The following AKT2 variants were observed in gnomAD, a reference collection of about 807,000 sequenced individuals.
AKT2 encodes the protein RAC-beta serine/threonine-protein kinase.
AKT2 carries 16 observed loss-of-function variants against 58.6 expected under a neutral mutation model. The ratio of observed to expected loss-of-function variants is 0.27; its 90% confidence interval spans 0.18 to 0.41. The LOEUF (loss-of-function observed/expected upper bound fraction) is 0.41, where lower values mean the gene tolerates loss of function less well. Among genes scored for constraint, AKT2 ranks in the 10% least tolerant of loss-of-function variants. The probability of loss-of-function intolerance (pLI) is 1.00; values close to 1 mark genes in which losing one functional copy is unlikely to be tolerated. For missense variants in AKT2, 438 were observed against 661.0 expected (o/e 0.66, Z 3.70); for synonymous variants, 253 against 254.0 (o/e 1.00, Z 0.04).
At chr19:40,283,413 A>G (rs1333492000) in intron 1 of AKT2, among the ~76,000 whole-genome samples, 2 of 152,328 alleles carry the variant, frequency 1.3e-5, no homozygotes, top group South Asian at 4.1e-4. Context: ...GTGGAGAAAG[A>G]TTCTACAGAG....
chr19:40,252,696 G>A (rs1975252445), intron 4 of AKT2, among the ~76,000 whole-genome samples: 1 of 152,174 alleles, frequency 6.6e-6, no homozygotes, highest in Admixed American at 6.5e-5. Flanking sequence ...GTTCTCTGGT[G>A]ACACAGAACC....
intron 4 of AKT2, among the ~76,000 whole-genome samples, chr19:40,245,932 C>A (rs973352500): frequency 6.6e-6 from 1 of 152,092 alleles, no homozygotes; most frequent in African/African-American, 2.4e-5. Context: ...AGAGCACGCA[C>A]TGAGCCCTGG....
chr19:40,270,061 C>T (rs1377131440), intron 1 of AKT2, among the ~76,000 whole-genome samples: 1 of 152,242 alleles, frequency 6.6e-6, no homozygotes, highest in Non-Finnish European at 1.5e-5. Context: ...CAGGGCCTTG[C>T]AGGCACTGCA....
In AKT2 at chr19:40,238,223, G is replaced by T; in HGVS notation, c.709-132C>A. 1 of 1,264,188 alleles carries T rather than the reference G, an allele frequency of 7.9e-7. No homozygotes were observed. Among genetic ancestry groups the T allele is most frequent in the Non-Finnish European group, 1.1e-6 (1 of 908,338 alleles). 78.3% of individuals were successfully genotyped at this position (1,264,188 alleles called of 1,614,324 possible). A position where few individuals can be genotyped will look rare whatever the true frequency, so the allele number is the denominator to read the frequency against. On this transcript the variant is annotated intron_variant, in intron 8 of 13. Coordinates refer to ENST00000392038, the MANE Select transcript of AKT2 (RefSeq NM_001626.6). The surrounding 1 kb of genome is among the most constrained non-coding windows in gnomAD (Gnocchi z 5.1). Reference sequence around the variant, plus strand: ...ATGAACCAGCAAGTGACAGCTAGAGGGACCAATCAAGGCAGAGCGCAGAAG... The same window carrying T: ...ATGAACCAGCAAGTGACAGCTAGAGTGACCAATCAAGGCAGAGCGCAGAAG...
intron 4 of AKT2, among the ~76,000 whole-genome samples, chr19:40,248,407 G>A (rs931053931): frequency 1.3e-5 from 2 of 152,232 alleles, no homozygotes; most frequent in Non-Finnish European, 2.9e-5. Context: ...TGACCTCAAG[G>A]GGAGGACAAG....
At chr19:40,285,033 G>A (rs2077489434) in intron 1 of AKT2, 148 bp downstream of exon 1, 1 of 379,902 alleles carries the variant, frequency 2.6e-6, no homozygotes, top group African/African-American at 2.1e-5. Flanking sequence ...CCCCCGCTCG[G>A]CCACCCCCAC....
Position 40,265,107 on chromosome 19 carries a change from C to T in AKT2, c.46+115G>A, listed in dbSNP as rs115914503. ...ATAAGCAGCTGTGGGCCTGGGGCTG[C>T]GGAATGCTGGCTCCTCAGGCTGGTA... On this transcript the variant is annotated intron_variant, in intron 2 of 13. Transcript: ENST00000392038. The T allele has an allele frequency of 2.4e-3, 3,524 of 1,476,356 alleles. 57 individuals carry two copies. In the African/African-American group the frequency reaches 0.041, roughly 17 times the overall value. The allele number at this position is 1,476,356 out of a possible 1,614,324, so 91.5% of individuals were successfully genotyped here.
chr19:40,262,174 A>G (rs1184409279), intron 2 of AKT2, among the ~76,000 whole-genome samples: 1 of 152,102 alleles, frequency 6.6e-6, no homozygotes, highest in African/African-American at 2.4e-5. Flanking sequence ...TGGGAGGCCA[A>G]GACAGGAGAC....
intron 1 of AKT2, among the ~76,000 whole-genome samples, chr19:40,272,407 CACA>C (rs1240866051): frequency 6.6e-6 from 1 of 152,186 alleles, no homozygotes; most frequent in African/African-American, 2.4e-5. Context: ...GGCCACACAA[CACA>C]ACAAGCCATC....
chr19:40,240,409 C>A, intron 6 of AKT2: 1 of 596,858 alleles, frequency 1.7e-6, no homozygotes, highest in Non-Finnish European at 3.2e-6. Context: ...ACAGACATCA[C>A]GAGAGCCCCG....
chr19:40,240,558 C>T (rs1974336849), intron 6 of AKT2, among the ~76,000 whole-genome samples: 1 of 152,202 alleles, frequency 6.6e-6, no homozygotes, highest in South Asian at 2.1e-4. Flanking sequence ...ATTCCTGGGA[C>T]CTACCCCCAG....
At chr19:40,240,396 C>G (rs1474009483) in intron 6 of AKT2, 2 of 641,572 alleles carry the variant, frequency 3.1e-6, no homozygotes, top group Admixed American at 2.1e-5. Flanking sequence ...GCAAGGGAGA[C>G]AAACAGACAT....
At position 40,232,237 on chromosome 19, in the gene AKT2, G is replaced by T. The variant is rs966155699; in HGVS notation, c.*1635C>A. The T allele has an allele frequency of 4.3e-6, 1 of 233,688 alleles. No homozygotes were observed. The highest frequency in any genetic ancestry group is 2.2e-5 in the African/African-American group (1 of 45,302). 14.5% of individuals were successfully genotyped at this position (233,688 alleles called of 1,614,324 possible). ...CAGTGCCCTCCTTGCTGAAGGGAAC[G>T]GCTAGTACAGGAGGAGCTGGGGCCC... On this transcript the variant is annotated 3_prime_UTR_variant, in exon 14 of 14. Transcript: ENST00000392038.
intron 4 of AKT2, among the ~76,000 whole-genome samples, chr19:40,254,013 A>C (rs1975356978): frequency 6.6e-6 from 1 of 151,656 alleles, no homozygotes; most frequent in Non-Finnish European, 1.5e-5. Context: ...AGCCAGGCAC[A>C]AAGGTCTCCC....
At position 40,255,233 on chromosome 19, in the gene AKT2, T is replaced by G. The variant is rs200272953; in HGVS notation, c.212A>C (p.Asn71Thr). The stretch of plus-strand genomic sequence containing the variant: ...CTGCAGGCAGCGTATGACAAAGGTG[T>G]TGGGTCGCGGCCTCTCGGTCTTCAT... ...QLMKTERPRP[N>T]TFVIRCLQWT... The change falls in exon 4 of 14, where the codon AAC (asparagine) becomes ACC (threonine). Residue 71 changes from asparagine to threonine, a missense_variant. Asn to Thr is a moderately conservative substitution (Grantham distance 65). Coordinates refer to ENST00000392038, the MANE Select transcript of AKT2 (RefSeq NM_001626.6). 6.2e-7 allele frequency: 1 copy of G among 1,614,008 alleles called. No individual in the cohort carries two copies. The highest frequency in any genetic ancestry group is 8.5e-7 in the Non-Finnish European group (1 of 1,179,918).
rs1600131670 is a variant in AKT2, at chr19:40,285,335, G to C, written c.-239C>G. On this transcript the variant is annotated 5_prime_UTR_variant, in exon 1 of 14. Transcript: ENST00000392038. ...CGCCTCCTCCGAGGCAGGCCCAACG[G>C]CTAGCACGGCGCGGCCCCCCCCGCC... 2.5e-6 allele frequency: 1 copy of C among 393,186 alleles called. No individual in the cohort carries two copies. Among genetic ancestry groups the C allele is most frequent in the East Asian group, 3.6e-5 (1 of 27,660 alleles). 24.4% of individuals were successfully genotyped at this position (393,186 alleles called of 1,614,324 possible).
chr19:40,255,237 G>C lies in AKT2; in HGVS notation c.208C>G (p.Pro70Ala), dbSNP rs1170693725. ...CQLMKTERPR[P>A]NTFVIRCLQW... ...AGGCAGCGTATGACAAAGGTGTTGG[G>C]TCGCGGCCTCTCGGTCTTCATCAGC... Residue 70 changes from proline to alanine, a missense_variant, in exon 4 of 14, where the codon CCC becomes GCC. This residue lies in a region of AKT2 where 244 missense variants were observed against 347.1 expected (regional missense o/e 0.70). Coordinates refer to ENST00000392038, the MANE Select transcript of AKT2 (RefSeq NM_001626.6). The C allele has an allele frequency of 6.2e-7, 1 of 1,614,112 alleles. No individual in the cohort carries two copies. Among genetic ancestry groups the C allele is most frequent in the South Asian group, 1.1e-5 (1 of 91,088 alleles).
rs543087889 is a variant in AKT2, at chr19:40,256,574, G to A, written c.175+352C>T. 1.4e-4 allele frequency among the ~76,000 whole-genome samples: 22 copies of A among 152,300 alleles called. 1 individual carries two copies. The highest frequency in any genetic ancestry group is 4.8e-4 in the African/African-American group (20 of 41,572). ...GGGAAGCTGTGACCCCTCTACGTCC[G>A]AGGGACAGAGGATGGAGGCTGTTAC... On this transcript the variant is annotated intron_variant, in intron 3 of 13. Transcript: ENST00000392038.
chr19:40,274,471 T>C (rs1600105767), intron 1 of AKT2: 1 of 155,288 alleles, frequency 6.4e-6, no homozygotes, highest in Admixed American at 6.2e-5. Flanking sequence ...CATTGGGGAG[T>C]TGGGGGAATG....
Sources: gnomAD v4.1 joint callset for allele counts (sites outside exome capture counted in the v4.1 genomes callset) on GRCh38, gnomAD v4.1.1 for gene constraint, gnomAD v4.1.1 regional missense constraint, Gnocchi (gnomAD v3.1) non-coding constraint, MANE v1.5 for transcripts, NCBI Gene and HGNC (gene_info 2026-07-23, HGNC 2026-07-21) for gene names.